Variants in CACNA2D3 observed in about 807,000 individuals in gnomAD.
CACNA2D3 encodes voltage-dependent calcium channel subunit alpha-2/delta-3.
A neutral mutation model predicts 160.6 loss-of-function variants in CACNA2D3; 60 were observed. The observed-to-expected ratio is 0.37, with a 90% CI of 0.30 to 0.46. The LOEUF (loss-of-function observed/expected upper bound fraction) is 0.46, where lower values mean the gene tolerates loss of function less well. Among genes scored for constraint, CACNA2D3 ranks in the 20% least tolerant of loss-of-function variants. The probability of loss-of-function intolerance (pLI) is 1.00; values close to 1 mark genes in which losing one functional copy is unlikely to be tolerated. For synonymous variants in CACNA2D3, 558 were observed against 492.9 expected (o/e 1.13, Z -1.75); for missense variants, 1,205 against 1,365.0 (o/e 0.88, Z 1.85).
intron 31 of CACNA2D3, among the ~76,000 whole-genome samples, chr3:54,991,422 C>T (rs1702741271): frequency 6.6e-6 from 1 of 152,008 alleles, no homozygotes; most frequent in Admixed American, 6.6e-5. Flanking sequence ...GGGGTTTCAC[C>T]ATGTTGGCTA....
At chr3:54,814,436 G>C (rs1453904762) in intron 13 of CACNA2D3, among the ~76,000 whole-genome samples, 1 of 152,210 alleles carries the variant, frequency 6.6e-6, no homozygotes, top group Non-Finnish European at 1.5e-5. Flanking sequence ...CCCTAGGGCA[G>C]GGCCCTGCAC....
At chr3:55,053,166 A>C (rs1269690461) in intron 35 of CACNA2D3, among the ~76,000 whole-genome samples, 1 of 151,930 alleles carries the variant, frequency 6.6e-6, no homozygotes, top group Non-Finnish European at 1.5e-5. Context: ...TCTCCACCTA[A>C]TTCTATCCCC....
chr3:54,611,341 T>C (rs754227519), intron 9 of CACNA2D3, among the ~76,000 whole-genome samples: 27 of 152,200 alleles, frequency 1.8e-4, no homozygotes, highest in Non-Finnish European at 3.5e-4. Flanking sequence ...ATTTGAATCA[T>C]CTTGGCTAAG....
At chr3:54,719,315 T>A (rs935490032) in intron 11 of CACNA2D3, among the ~76,000 whole-genome samples, 1 of 152,000 alleles carries the variant, frequency 6.6e-6, no homozygotes, top group Non-Finnish European at 1.5e-5. Flanking sequence ...TTCATACATA[T>A]TCTTTTTAAG....
At chr3:54,783,073 A>G (rs1439885424) in intron 13 of CACNA2D3, among the ~76,000 whole-genome samples, 1 of 152,158 alleles carries the variant, frequency 6.6e-6, no homozygotes, top group Non-Finnish European at 1.5e-5. Flanking sequence ...TCATGGAACA[A>G]ATGGAATTCA....
rs546551508 is a variant in CACNA2D3, at chr3:54,923,306, G to T, written c.2449+23438G>T. On this transcript the variant is annotated intron_variant, in intron 27 of 37. Coordinates refer to ENST00000474759, the MANE Select transcript of CACNA2D3 (RefSeq NM_018398.3). ...CTTCCTCTGCACTGGCCACTGTCTT[G>T]TCCCTCTTTTTGTCCTGCAGCCAAG... is the stretch of plus-strand genomic sequence containing the variant. 1.1e-4 allele frequency among the ~76,000 whole-genome samples: 17 copies of T among 152,136 alleles called. No homozygotes were observed. The East Asian group carries it at 3.1e-3, about 28-fold the overall frequency.
intron 2 of CACNA2D3, among the ~76,000 whole-genome samples, chr3:54,287,434 G>T (rs927445348): frequency 1.3e-5 from 2 of 151,094 alleles, no homozygotes; most frequent in African/African-American, 4.9e-5. Context: ...AGCAAGTCCT[G>T]AGTGACCTAC....
Position 54,728,079 on chromosome 3 carries a change from A to G in CACNA2D3, c.1168-24520A>G, listed in dbSNP as rs574771639. On this transcript the variant is annotated intron_variant, in intron 11 of 37. Coordinates refer to ENST00000474759, the MANE Select transcript of CACNA2D3 (RefSeq NM_018398.3). ...TGTAAGAATGTTTTCTTTTGCATTT[A>G]TTTTACTTGGAGTGTGTATATCTTC... is the stretch of plus-strand genomic sequence containing the variant. 1.2e-4 allele frequency among the ~76,000 whole-genome samples: 18 copies of G among 152,038 alleles called. No individual in the cohort carries two copies. The East Asian group carries it at 3.1e-3, about 26-fold the overall frequency.
intron 4 of CACNA2D3, among the ~76,000 whole-genome samples, chr3:54,489,132 G>A (rs572471269): frequency 6.6e-6 from 1 of 152,222 alleles, no homozygotes; most frequent in African/African-American, 2.4e-5. Context: ...AGAGGCCAGA[G>A]TGAGCAGGGC....
At chr3:54,310,537 C>T (rs1223321423) in intron 2 of CACNA2D3, among the ~76,000 whole-genome samples, 1 of 152,148 alleles carries the variant, frequency 6.6e-6, no homozygotes, top group Non-Finnish European at 1.5e-5. Context: ...CAACCAATTT[C>T]TGCCAGAACA....
chr3:54,355,459 A>G (rs868727354), intron 3 of CACNA2D3, among the ~76,000 whole-genome samples: 12 of 152,254 alleles, frequency 7.9e-5, no homozygotes, highest in Middle Eastern at 6.8e-3. Context: ...ATCAGTAGAG[A>G]TGGAGAGAGG....
chr3:54,969,915 G>A (rs1702232914), intron 29 of CACNA2D3, 71 bp downstream of exon 29: 1 of 1,361,496 alleles, frequency 7.3e-7, no homozygotes, highest in African/African-American at 1.4e-5. Flanking sequence ...TATGACCGAG[G>A]GAATGCCCTT....
intron 2 of CACNA2D3, among the ~76,000 whole-genome samples, chr3:54,216,550 G>C (rs945365346): frequency 6.6e-6 from 1 of 152,332 alleles, no homozygotes. Context: ...GGAACTGATA[G>C]AGTAATATCA....
intron 9 of CACNA2D3, among the ~76,000 whole-genome samples, chr3:54,603,038 C>T (rs1007762809): frequency 6.6e-6 from 1 of 152,128 alleles, no homozygotes; most frequent in Non-Finnish European, 1.5e-5. Flanking sequence ...GTGGGTGGTC[C>T]CTCTCTGTTC....
chr3:54,987,549 C>G, intron 30 of CACNA2D3, 134 bp from the exon 31 acceptor site: 1 of 566,290 alleles, frequency 1.8e-6, no homozygotes, highest in Non-Finnish European at 3.2e-6. Context: ...CTGTTAAAAC[C>G]TTTTCCACTT....
chr3:54,619,525 C>T (rs1194329519), intron 9 of CACNA2D3, among the ~76,000 whole-genome samples: 2 of 152,228 alleles, frequency 1.3e-5, no homozygotes, highest in Non-Finnish European at 2.9e-5. Context: ...TGGCATTAAA[C>T]AGCTGCTACC....
chr3:54,484,548 T>C (rs1445197411), intron 4 of CACNA2D3, among the ~76,000 whole-genome samples: 2 of 152,182 alleles, frequency 1.3e-5, no homozygotes, highest in Non-Finnish European at 2.9e-5. Context: ...TTCCCCTAAT[T>C]AACATCCTGT....
chr3:54,691,975 ATTTC>A (rs1700580305), intron 11 of CACNA2D3, among the ~76,000 whole-genome samples: 2 of 150,752 alleles, frequency 1.3e-5, no homozygotes, highest in African/African-American at 4.9e-5. Flanking sequence ...AATAATATTA[ATTTC>A]TTTCTTCCTT....
At chr3:54,265,051 G>C (rs1702474174) in intron 2 of CACNA2D3, among the ~76,000 whole-genome samples, 1 of 152,148 alleles carries the variant, frequency 6.6e-6, no homozygotes, top group Non-Finnish European at 1.5e-5. Context: ...ACATACTTGT[G>C]CATGTGTCTT....
Sources: gnomAD v4.1 joint callset for allele counts (sites outside exome capture counted in the v4.1 genomes callset) on GRCh38, gnomAD v4.1.1 for gene constraint, MANE v1.5 for transcripts, NCBI Gene and HGNC (gene_info 2026-07-23, HGNC 2026-07-21) for gene names.